TRIM71: variants seen among roughly 807,000 people sequenced by gnomAD.
TRIM71 encodes the protein E3 ubiquitin-protein ligase TRIM71.
In TRIM71, 9 loss-of-function variants were observed where a neutral mutation model predicts 61.2. That is an observed-to-expected ratio of 0.15 (90% CI 0.09 to 0.26). The LOEUF (loss-of-function observed/expected upper bound fraction) is 0.26. Among genes scored for constraint, TRIM71 ranks in the 10% least tolerant of loss-of-function variants. The probability of loss-of-function intolerance (pLI) is 1.00; values close to 1 mark genes in which losing one functional copy is unlikely to be tolerated. For synonymous variants in TRIM71, 645 were observed against 553.2 expected (o/e 1.17, Z -2.33); for missense variants, 998 against 1,238.7 (o/e 0.81, Z 2.92).
intron 1 of TRIM71, among the ~76,000 whole-genome samples, chr3:32,838,259 C>G (rs1016541137): frequency 6.6e-6 from 1 of 151,994 alleles, no homozygotes; most frequent in Non-Finnish European, 1.5e-5. Context: ...GTTTCACTAT[C>G]GTTGCCCAGG....
Position 32,891,743 on chromosome 3 carries a change from A to C in TRIM71, c.2539A>C (p.Ile847Leu), listed in dbSNP as rs1249095650. 1 of 1,614,046 alleles carries C rather than the reference A, an allele frequency of 6.2e-7. No homozygotes were observed. Among genetic ancestry groups the C allele is most frequent in the African/African-American group, 1.3e-5 (1 of 74,932 alleles). The change falls in exon 4 of 4, where the codon ATC becomes CTC. Residue 847 changes from isoleucine (I) to leucine (L), a missense_variant. This residue lies in a region of TRIM71 where 95 missense variants were observed against 159.0 expected (regional missense o/e 0.60). Transcript: ENST00000383763. The surrounding 1 kb of genome is among the most constrained non-coding windows in gnomAD (Gnocchi z 8.2). ...GFGQMDRPSGIAITPDGMIVV... is the reference protein window; with the variant it reads ...GFGQMDRPSGLAITPDGMIVV... ...TGGGCAGATGGACCGCCCTTCCGGC[A>C]TCGCCATCACCCCCGACGGAATGAT... is the stretch of plus-strand genomic sequence containing the variant.
intron 1 of TRIM71, among the ~76,000 whole-genome samples, chr3:32,834,459 C>T (rs913921799): frequency 4.6e-5 from 7 of 152,122 alleles, no homozygotes; most frequent in Admixed American, 2.0e-4. Context: ...TAATTACATA[C>T]ACAAATGTTA....
In TRIM71 at chr3:32,818,794, C is replaced by A. The variant is rs748150810; in HGVS notation, c.714C>A (p.Ile238=). The A allele has an allele frequency of 8.1e-6, 13 of 1,607,970 alleles. No homozygotes were observed. The highest frequency in any genetic ancestry group is 2.2e-5 in the South Asian group (2 of 90,800). Residue 238 remains isoleucine, a synonymous_variant, in exon 1 of 4, where the codon ATC becomes ATA. Coordinates refer to ENST00000383763, the MANE Select transcript of TRIM71 (RefSeq NM_001039111.3). ...QRVRLTKDHY[I]ERGPPGPGAA... ...TGCGCCTCACCAAGGACCACTACATCGAGCGCGGCCCGCCGGGTCCCGGTG... is the reference window on the plus strand; with the variant it reads ...TGCGCCTCACCAAGGACCACTACATAGAGCGCGGCCCGCCGGGTCCCGGTG...
chr3:32,838,800 C>CT lies in TRIM71; in HGVS notation c.852+19879dup, dbSNP rs377239898. Among the ~76,000 whole-genome samples the CT allele has an allele frequency of 1.3e-3, 185 of 147,078 alleles. 1 individual carries two copies. The highest frequency in any genetic ancestry group is 3.6e-3 in the Middle Eastern group (1 of 276). ...TAGGAAAAATGTGGATTTTGAGCTC[C>CT]TTTTTTTTTTTCTTTGTTGAGACGA... On this transcript the variant is annotated intron_variant, in intron 1 of 3. Transcript: ENST00000383763.
At chr3:32,841,137 C>G (rs561243121) in intron 1 of TRIM71, among the ~76,000 whole-genome samples, 4 of 151,856 alleles carry the variant, frequency 2.6e-5, no homozygotes, top group African/African-American at 4.8e-5. Context: ...CCTAGCTACT[C>G]GGGAAGCTGA....
intron 3 of TRIM71, among the ~76,000 whole-genome samples, chr3:32,888,591 AC>A (rs752838324): frequency 6.6e-6 from 1 of 151,744 alleles, no homozygotes; most frequent in Non-Finnish European, 1.5e-5. Context: ...CCCAGGCTGG[AC>A]TGCAGTGGCA....
intron 1 of TRIM71, among the ~76,000 whole-genome samples, chr3:32,871,797 A>G (rs1696797653): frequency 6.6e-6 from 1 of 152,236 alleles, no homozygotes; most frequent in African/African-American, 2.4e-5. Flanking sequence ...AAAGCACTGC[A>G]GTGATCAAAA....
chr3:32,866,531 C>T (rs1445334553), intron 1 of TRIM71, among the ~76,000 whole-genome samples: 1 of 152,134 alleles, frequency 6.6e-6, no homozygotes, highest in African/African-American at 2.4e-5. Flanking sequence ...CTGATCAATG[C>T]TTTGTGTTTT....
intron 1 of TRIM71, among the ~76,000 whole-genome samples, chr3:32,868,991 A>G (rs1348385729): frequency 1.3e-5 from 2 of 152,232 alleles, no homozygotes; most frequent in South Asian, 2.1e-4. Context: ...CACTCAGTCT[A>G]TCTCAGTCAA....
chr3:32,826,323 C>T (rs1057068113), intron 1 of TRIM71, among the ~76,000 whole-genome samples: 15 of 152,018 alleles, frequency 9.9e-5, no homozygotes, highest in African/African-American at 3.6e-4. Context: ...CCGGACGAAT[C>T]CCAGCTACTG....
intron 1 of TRIM71, among the ~76,000 whole-genome samples, chr3:32,846,740 T>C (rs1039356360): frequency 6.7e-6 from 1 of 150,150 alleles, no homozygotes; most frequent in Admixed American, 6.7e-5. Flanking sequence ...TCTACTTCTA[T>C]GAGATTAGCT....
rs1195470318 is a variant in TRIM71 at position 32,818,595 on chromosome 3, A to G, written c.515A>G (p.Gln172Arg). 3.0e-6 allele frequency: 4 copies of G among 1,327,684 alleles called. No homozygotes were observed. The highest frequency in any genetic ancestry group is 1.9e-6 in the Non-Finnish European group (2 of 1,047,632). 82.2% of individuals were successfully genotyped at this position (1,327,684 alleles called of 1,614,324 possible). The change falls in exon 1 of 4, where the codon CAG becomes CGG. Residue 172 changes from glutamine to arginine, a missense_variant. Around this residue, in one of 5 missense-constraint regions of TRIM71, gnomAD observed 527 missense variants for 427.8 expected, o/e 1.23. Transcript: ENST00000383763. ...ASAPPLPQAP[Q>R]PPAPSRSAPG... Reference sequence around the variant, plus strand: ...GCGCCGCCACTCCCGCAGGCGCCGCAGCCGCCCGCGCCTTCCCGCTCGGCA... The same window carrying G: ...GCGCCGCCACTCCCGCAGGCGCCGCGGCCGCCCGCGCCTTCCCGCTCGGCA...
intron 1 of TRIM71, among the ~76,000 whole-genome samples, chr3:32,865,815 C>CTTTTTT (rs139123002): frequency 2.5e-4 from 4 of 16,298 alleles, no homozygotes; most frequent in African/African-American, 7.9e-4. Context: ...CCCGCCCCAC[C>CTTTTTT]TTTTTTTTTT....
Position 32,823,140 on chromosome 3 carries a change from C to G in TRIM71, c.852+4208C>G, listed in dbSNP as rs181604481. 5.3e-5 allele frequency among the ~76,000 whole-genome samples: 8 copies of G among 152,296 alleles called. No individual in the cohort carries two copies. The East Asian group carries it at 1.3e-3, about 26-fold the overall frequency. ...AGAGGTTGCTGCTTTGAATCCAGTT[C>G]AGCAGGTAGACATTAGGAAGCCTAC... is the stretch of plus-strand genomic sequence containing the variant. On this transcript the variant is annotated intron_variant, in intron 1 of 3. Transcript: ENST00000383763.
intron 1 of TRIM71, among the ~76,000 whole-genome samples, chr3:32,825,476 C>T (rs1175755037): frequency 6.6e-6 from 1 of 152,176 alleles, no homozygotes; most frequent in Non-Finnish European, 1.5e-5. Flanking sequence ...GTTCTCTACA[C>T]AGGGCAAGGT....
Position 32,818,679 on chromosome 3 carries a change from G to A in TRIM71, c.599G>A (p.Ser200Asn). 2.6e-6 allele frequency: 4 copies of A among 1,556,998 alleles called. No individual in the cohort carries two copies. The highest frequency in any genetic ancestry group is 3.4e-6 in the Non-Finnish European group (4 of 1,159,838). ...ALLLRRPHGCSSCDEGNAASS... is the reference protein window; with the variant it reads ...ALLLRRPHGCNSCDEGNAASS... Reference sequence around the variant, plus strand: ...CTGCTCCGCCGTCCTCACGGCTGCAGCTCGTGCGATGAGGGCAACGCAGCT... The same window carrying A: ...CTGCTCCGCCGTCCTCACGGCTGCAACTCGTGCGATGAGGGCAACGCAGCT... Residue 200 changes from serine (S) to asparagine (N), a missense_variant, in exon 1 of 4, where the codon AGC becomes AAC. Physicochemically the swap from Ser to Asn is conservative, Grantham distance 46. Coordinates refer to ENST00000383763, the MANE Select transcript of TRIM71 (RefSeq NM_001039111.3).
rs1310643237 is a variant in TRIM71 at position 32,818,147 on chromosome 3, G to T, written c.67G>T (p.Ala23Ser). The T allele has an allele frequency of 6.2e-7, 1 of 1,610,596 alleles. No individual in the cohort carries two copies. Among genetic ancestry groups the T allele is most frequent in the Non-Finnish European group, 8.5e-7 (1 of 1,178,660 alleles). Residue 23 changes from alanine (A) to serine (S), a missense_variant, in exon 1 of 4, where the codon GCG (alanine) becomes TCG (serine). Physicochemically the swap from Ala to Ser is moderately conservative, Grantham distance 99 (BLOSUM62 1). Around this residue, in one of 5 missense-constraint regions of TRIM71, gnomAD observed 527 missense variants for 427.8 expected, o/e 1.23. Transcript: ENST00000383763. The part of the protein sequence containing the change: ...LLCKEMCGSP[A>S]PLSSNSSASS... ...GTGCAAGGAGATGTGCGGCTCGCCG[G>T]CGCCGCTCTCCTCCAACTCGTCCGC...
intron 1 of TRIM71, among the ~76,000 whole-genome samples, chr3:32,840,356 G>A (rs1696389990): frequency 6.6e-6 from 1 of 152,054 alleles, no homozygotes; most frequent in Admixed American, 6.6e-5. Flanking sequence ...TTGAAGGACA[G>A]TAAAATGTTT....
At chr3:32,854,105 G>C (rs1452807875) in intron 1 of TRIM71, among the ~76,000 whole-genome samples, 2 of 152,074 alleles carry the variant, frequency 1.3e-5, no homozygotes, top group African/African-American at 4.8e-5. Context: ...TCTCATGCCT[G>C]AGCCTCCCAA....
Sources: gnomAD v4.1 joint callset for allele counts (sites outside exome capture counted in the v4.1 genomes callset) on GRCh38, gnomAD v4.1.1 for gene constraint, gnomAD v4.1.1 regional missense constraint, Gnocchi (gnomAD v3.1) non-coding constraint, MANE v1.5 for transcripts, NCBI Gene and HGNC (gene_info 2026-07-23, HGNC 2026-07-21) for gene names.